FGGY: variants seen among roughly 807,000 people sequenced by gnomAD.
FGGY encodes the protein FGGY carbohydrate kinase domain-containing protein.
In FGGY, 72 loss-of-function variants were observed where a neutral mutation model predicts 71.3. The ratio of observed to expected loss-of-function variants is 1.01; its 90% CI spans 0.84 to 1.23. FGGY has a LOEUF of 1.23. Among genes scored for constraint, FGGY ranks in the 50% most tolerant of loss-of-function variants. The pLI is 0.00. For missense variants in FGGY, 668 were observed against 682.3 expected (o/e 0.98, Z 0.23); for synonymous variants, 251 against 250.3 (o/e 1.00, Z -0.02).
chr1:59,337,048 C>A (rs2049708993), intron 2 of FGGY, among the ~76,000 whole-genome samples: 1 of 142,062 alleles, frequency 7.0e-6, no homozygotes, highest in African/African-American at 2.6e-5. Context: ...TGTATATAGT[C>A]ATATATATAT....
intron 6 of FGGY, among the ~76,000 whole-genome samples, chr1:59,510,437 T>C (rs955740220): frequency 6.6e-6 from 1 of 152,208 alleles, no homozygotes; most frequent in Non-Finnish European, 1.5e-5. Flanking sequence ...AGTGACATAA[T>C]TAAGATATTG....
intron 7 of FGGY, among the ~76,000 whole-genome samples, chr1:59,540,806 A>C (rs1482896021): frequency 6.6e-6 from 1 of 152,202 alleles, no homozygotes; most frequent in African/African-American, 2.4e-5. Flanking sequence ...TTAATAAACA[A>C]TTAGAGAAGG....
At chr1:59,756,611 T>C (rs542950696) in intron 14 of FGGY, among the ~76,000 whole-genome samples, 16 of 152,216 alleles carry the variant, frequency 1.1e-4, no homozygotes, top group Non-Finnish European at 2.4e-4. Context: ...AGTGTTATGC[T>C]TGGCACGTGA....
chr1:59,723,566 G>C (rs1034869676), intron 14 of FGGY, among the ~76,000 whole-genome samples: 1 of 149,652 alleles, frequency 6.7e-6, no homozygotes, highest in South Asian at 2.1e-4. Flanking sequence ...TTTTTTTTGG[G>C]GGGGGGTGGT....
At chr1:59,695,551 G>C (rs1223916632) in intron 14 of FGGY, among the ~76,000 whole-genome samples, 1 of 152,188 alleles carries the variant, frequency 6.6e-6, no homozygotes, top group East Asian at 1.9e-4. Context: ...ACTGTGCTAG[G>C]CATCTTACAA....
rs372263136 is a variant in FGGY, at chr1:59,386,052, G to A, written c.554+7215G>A. Among the ~76,000 whole-genome samples the A allele has an allele frequency of 2.3e-3, 349 of 152,252 alleles. 3 individuals carry two copies. The South Asian group carries it at 0.037, about 16-fold the overall frequency. On this transcript the variant is annotated intron_variant, in intron 5 of 15. Coordinates refer to ENST00000303721, the MANE Select transcript of FGGY (RefSeq NM_018291.5). ...ATAGTTTTAGGATTATAGAAAAATT[G>A]TGAAGACGCTACAGAATTCCCATAT... is the stretch of plus-strand genomic sequence containing the variant.
At position 59,374,567 on chromosome 1, in the gene FGGY, G is replaced by T. The variant is rs562875560; in HGVS notation, c.466-4182G>T. On this transcript the variant is annotated intron_variant, in intron 4 of 15. Coordinates refer to ENST00000303721, the MANE Select transcript of FGGY (RefSeq NM_018291.5). Reference sequence around the variant, plus strand: ...TCCCATTACTGGGTATATACCCAAAGGACTATAAATCATGCTGCTATAAAG... The same window carrying T: ...TCCCATTACTGGGTATATACCCAAATGACTATAAATCATGCTGCTATAAAG... Among the ~76,000 whole-genome samples the T allele has an allele frequency of 7.2e-5, 11 of 152,136 alleles. No homozygotes were observed. In the East Asian group the frequency reaches 7.7e-4, roughly 11 times the overall value.
chr1:59,519,215 G>A (rs949106531), intron 7 of FGGY, among the ~76,000 whole-genome samples: 48 of 152,140 alleles, frequency 3.2e-4, no homozygotes, highest in African/African-American at 1.1e-3. Flanking sequence ...ATTTAAACAT[G>A]ATCCACTCTG....
chr1:59,398,255 T>G (rs1002400492), intron 5 of FGGY, among the ~76,000 whole-genome samples: 1 of 152,176 alleles, frequency 6.6e-6, no homozygotes, highest in Non-Finnish European at 1.5e-5. Flanking sequence ...AAATTTTTTT[T>G]TTTGAGACAT....
chr1:59,516,553 G>A (rs571050645), intron 7 of FGGY, among the ~76,000 whole-genome samples: 8 of 152,280 alleles, frequency 5.3e-5, no homozygotes, highest in East Asian at 1.9e-4. Context: ...ATGGTGCTTC[G>A]CAGAACTTTT....
At chr1:59,481,547 A>G (rs2093468845) in intron 6 of FGGY, among the ~76,000 whole-genome samples, 1 of 152,178 alleles carries the variant, frequency 6.6e-6, no homozygotes, top group African/African-American at 2.4e-5. Flanking sequence ...ATATTTATAA[A>G]AAACGTGGAA....
chr1:59,523,787 G>C (rs2094900700), intron 7 of FGGY, among the ~76,000 whole-genome samples: 1 of 152,230 alleles, frequency 6.6e-6, no homozygotes, highest in Admixed American at 6.5e-5. Context: ...AACACAGTAA[G>C]ATAGTTAAAA....
chr1:59,370,829 T>C (rs1364494492), intron 4 of FGGY, among the ~76,000 whole-genome samples: 1 of 151,594 alleles, frequency 6.6e-6, no homozygotes, highest in Admixed American at 6.6e-5. Flanking sequence ...GAAGGAGAAA[T>C]AAAATACTTT....
At chr1:59,626,088 G>A (rs974897849) in intron 10 of FGGY, 39 bp downstream of exon 10, 3 of 1,575,112 alleles carry the variant, frequency 1.9e-6, no homozygotes, top group South Asian at 1.1e-5. Context: ...TTTTCCTTGT[G>A]TGACTGTATT....
At chr1:59,709,075 C>T (rs1573520077) in intron 14 of FGGY, among the ~76,000 whole-genome samples, 1 of 152,334 alleles carries the variant, frequency 6.6e-6, no homozygotes, top group African/African-American at 2.4e-5. Context: ...CATACACACA[C>T]ACGCGCGCGC....
At chr1:59,368,413 G>A (rs2056945618) in intron 4 of FGGY, among the ~76,000 whole-genome samples, 1 of 152,220 alleles carries the variant, frequency 6.6e-6, no homozygotes, top group South Asian at 2.1e-4. Context: ...CATAGTGGAA[G>A]GAAAGAACAT....
intron 5 of FGGY, among the ~76,000 whole-genome samples, chr1:59,396,036 G>A (rs835423): frequency 0.32 from 48,587 of 151,946 alleles, 8,545 homozygotes; most frequent in African/African-American, 0.47. Flanking sequence ...CATGAGCAGC[G>A]TCACTTGGAA....
intron 5 of FGGY, among the ~76,000 whole-genome samples, chr1:59,407,055 GAGA>G (rs1313360915): frequency 6.6e-6 from 1 of 152,180 alleles, no homozygotes; most frequent in African/African-American, 2.4e-5. Flanking sequence ...GCAAGAGAAA[GAGA>G]AGCTGGAGTA....
chr1:59,412,364 G>T (rs960749912), intron 5 of FGGY, among the ~76,000 whole-genome samples: 1 of 152,126 alleles, frequency 6.6e-6, no homozygotes, highest in African/African-American at 2.4e-5. Context: ...TTGGGGTGTG[G>T]AGAGGTTGAG....
Sources: allele counts gnomAD v4.1 joint callset (sites outside exome capture counted in the v4.1 genomes callset), GRCh38; gene constraint gnomAD v4.1.1; transcripts MANE v1.5; gene names NCBI Gene and HGNC (gene_info 2026-07-23, HGNC 2026-07-21).